MBNL2: variants seen among roughly 807,000 people sequenced by gnomAD.
The protein encoded by MBNL2 is muscleblind like splicing regulator 2, also known as muscleblind-like protein 2.
MBNL2 carries 17 observed loss-of-function variants against 41.9 expected under a neutral mutation model. The ratio of observed to expected loss-of-function variants is 0.41; its 90% CI spans 0.28 to 0.61. MBNL2 has a LOEUF of 0.61. Ranked by LOEUF, MBNL2 falls within the 20% of genes least tolerant of loss-of-function variation. MBNL2 has a pLI of 0.35. For synonymous variants in MBNL2, 195 were observed against 182.9 expected (o/e 1.07, Z -0.53); for missense variants, 336 against 505.6 (o/e 0.66, Z 3.22).
Position 97,276,077 on chromosome 13 carries a change from C to G in MBNL2, c.-159C>G, listed in dbSNP as rs2152928099. 1 of 599,090 alleles carries G rather than the reference C, an allele frequency of 1.7e-6. No homozygotes were observed. Among genetic ancestry groups the G allele is most frequent in the South Asian group, 2.1e-5 (1 of 47,704 alleles). The allele number at this position is 599,090 out of a possible 1,614,324, so 37.1% of individuals were successfully genotyped here. On this transcript the variant is annotated 5_prime_UTR_variant, in exon 2 of 9. Coordinates refer to ENST00000679496, the MANE Select transcript of MBNL2 (RefSeq NM_001382683.1). ...GAGTGATTGCCTGTCCATACACTCT[C>G]TCATCATCCTGTTCCTTGGATTGGA...
the MBNL2 span, among the ~76,000 whole-genome samples, chr13:97,163,209 T>C: frequency 2.6e-5 from 4 of 152,202 alleles, no homozygotes; most frequent in African/African-American, 9.7e-5. Flanking sequence ...ACTCCACTCT[T>C]CCTTTCTTTT....
intron 8 of MBNL2, among the ~76,000 whole-genome samples, chr13:97,380,626 A>G (rs1167282318): frequency 6.6e-6 from 1 of 152,194 alleles, no homozygotes; most frequent in Non-Finnish European, 1.5e-5. Context: ...CAGGCGATAC[A>G]CAAATGTACA....
At chr13:97,343,252 G>A in intron 4 of MBNL2, 36 bp downstream of exon 4, 1 of 1,456,896 alleles carries the variant, frequency 6.9e-7, no homozygotes, top group Non-Finnish European at 9.5e-7. Flanking sequence ...ACATGCATTT[G>A]TGGTAGAAAT....
intron 1 of MBNL2, among the ~76,000 whole-genome samples, chr13:97,251,290 G>T (rs1461951557): frequency 6.6e-6 from 1 of 151,756 alleles, no homozygotes; most frequent in African/African-American, 2.4e-5. Context: ...AAGGATAAAT[G>T]CTTGAGGTGA....
At chr13:97,345,774 C>G (rs549644579) in intron 4 of MBNL2, among the ~76,000 whole-genome samples, 128 of 149,846 alleles carry the variant, frequency 8.5e-4, no homozygotes, top group Non-Finnish European at 1.6e-3. Flanking sequence ...ACCCCACCCC[C>G]TTAGAGAGAG....
At chr13:97,286,854 G>A (rs911193770) in intron 2 of MBNL2, among the ~76,000 whole-genome samples, 2 of 152,116 alleles carry the variant, frequency 1.3e-5, no homozygotes, top group South Asian at 2.1e-4. Flanking sequence ...TTATCTTTAC[G>A]TGACGCTGTC....
the MBNL2 span, among the ~76,000 whole-genome samples, chr13:97,204,207 A>G: frequency 1.3e-5 from 2 of 152,150 alleles, no homozygotes; most frequent in Non-Finnish European, 2.9e-5. Context: ...CCCACAGGCC[A>G]CAGGATAAGG....
chr13:97,228,971 A>G (rs1448907094), intron 1 of MBNL2, among the ~76,000 whole-genome samples: 3 of 151,826 alleles, frequency 2.0e-5, no homozygotes, highest in Non-Finnish European at 2.9e-5. Flanking sequence ...CTGGGAATCC[A>G]CACGTGATAT....
In MBNL2 at chr13:97,347,022, A is replaced by T; in HGVS notation, c.759A>T (p.Gln253His). 1 of 1,612,440 alleles carries T rather than the reference A, an allele frequency of 6.2e-7. No individual in the cohort carries two copies. ...AAGCTGCGCAGCACCAAGCCAACCA[A>T]GCTGCGGTGGCCGCCCAGGCAGCCG... is the stretch of plus-strand genomic sequence containing the variant. Reference protein sequence around the residue: ...KIKAAQHQANQAAVAAQAAAA... With the variant: ...KIKAAQHQANHAAVAAQAAAA... The change falls in exon 5 of 9, where the codon CAA becomes CAT. Residue 253 changes from glutamine to histidine, a missense_variant. By Grantham distance (24) the Gln-to-His change is conservative. Coordinates refer to ENST00000679496, the MANE Select transcript of MBNL2 (RefSeq NM_001382683.1).
the MBNL2 span, among the ~76,000 whole-genome samples, chr13:97,193,125 G>A: frequency 2.0e-5 from 3 of 152,226 alleles, no homozygotes; most frequent in Non-Finnish European, 4.4e-5. Context: ...CTGGTGCAAA[G>A]GGTCAGACTT....
At chr13:97,164,390 C>T in the MBNL2 span, among the ~76,000 whole-genome samples, 3 of 152,178 alleles carry the variant, frequency 2.0e-5, no homozygotes, top group Non-Finnish European at 4.4e-5. Context: ...CACGACTCTG[C>T]TTTATTAACT....
the MBNL2 span, among the ~76,000 whole-genome samples, chr13:97,214,143 G>T: frequency 1.5e-3 from 227 of 152,112 alleles, no homozygotes; most frequent in Non-Finnish European, 2.5e-3. Context: ...ACTCTTTGTA[G>T]GGATCTAAGC....
chr13:97,186,840 CA>C, the MBNL2 span, among the ~76,000 whole-genome samples: 7 of 151,550 alleles, frequency 4.6e-5, no homozygotes, highest in South Asian at 8.3e-4. Flanking sequence ...GATCATACAC[CA>C]AAAAAAAGGG....
At chr13:97,341,633 A>G (rs1416373639) in intron 3 of MBNL2, among the ~76,000 whole-genome samples, 1 of 152,170 alleles carries the variant, frequency 6.6e-6, no homozygotes, top group Non-Finnish European at 1.5e-5. Flanking sequence ...TTGTGGGAGT[A>G]CTGAGCCAGG....
At position 97,347,083 on chromosome 13, in the gene MBNL2, C is replaced by T. The variant is rs751345692; in HGVS notation, c.804+16C>T. 143 of 1,524,942 alleles carry T rather than the reference C, an allele frequency of 9.4e-5. No homozygotes were observed. The African/African-American group carries it at 1.0e-3, about 11-fold the overall frequency. 94.5% of individuals were successfully genotyped at this position (1,524,942 alleles called of 1,614,324 possible). On this transcript the variant is annotated intron_variant, in intron 5 of 8. Coordinates refer to ENST00000679496, the MANE Select transcript of MBNL2 (RefSeq NM_001382683.1). ...CACAGTCATGGTAAGTGCGGCCGCCCGCCGCCCCTGCACCCCGGCGCCTCT... is the reference window on the plus strand; with the variant it reads ...CACAGTCATGGTAAGTGCGGCCGCCTGCCGCCCCTGCACCCCGGCGCCTCT...
the MBNL2 span, among the ~76,000 whole-genome samples, chr13:97,146,116 G>A: frequency 4.2e-3 from 628 of 151,212 alleles, 2 homozygotes; most frequent in Non-Finnish European, 7.3e-3. Flanking sequence ...TCAGCCTCCC[G>A]AGTAGCTAGG....
intron 4 of MBNL2, among the ~76,000 whole-genome samples, chr13:97,345,670 A>G (rs1489189831): frequency 6.6e-6 from 1 of 151,960 alleles, no homozygotes; most frequent in Non-Finnish European, 1.5e-5. Context: ...GGTGTCTTAG[A>G]TATTGTTCTT....
chr13:97,288,838 G>T (rs1174784817), intron 2 of MBNL2, among the ~76,000 whole-genome samples: 2 of 152,224 alleles, frequency 1.3e-5, no homozygotes, highest in African/African-American at 4.8e-5. Flanking sequence ...TTCAGGGAAT[G>T]AGTAGATATT....
At chr13:97,383,551 A>C (rs1334729282) in intron 8 of MBNL2, among the ~76,000 whole-genome samples, 1 of 152,248 alleles carries the variant, frequency 6.6e-6, no homozygotes, top group African/African-American at 2.4e-5. Context: ...CACAAAAAGT[A>C]TCATTGAAAC....
Sources: allele counts gnomAD v4.1 joint callset (sites outside exome capture counted in the v4.1 genomes callset), GRCh38; gene constraint gnomAD v4.1.1; transcripts MANE v1.5; gene names NCBI Gene and HGNC (gene_info 2026-07-23, HGNC 2026-07-21).